The following MARCHF1 variants were observed in gnomAD, a reference collection of about 807,000 sequenced individuals.
The protein encoded by MARCHF1 is membrane associated ring-CH-type finger 1.
MARCHF1 carries 40 observed loss-of-function variants against 54.2 expected under a neutral mutation model. The ratio of observed to expected loss-of-function variants is 0.74; its 90% CI spans 0.57 to 0.96. The LOEUF (loss-of-function observed/expected upper bound fraction) is 0.96. MARCHF1 is among the 40% of genes least tolerant of loss of function. The pLI is 0.00. For missense variants in MARCHF1, 586 were observed against 656.5 expected, an observed-to-expected ratio of 0.89 and a Z score of 1.17; for synonymous variants, 236 against 236.3, an observed-to-expected ratio of 1.00 and a Z score of 0.01.
At chr4:163,771,022 A>G (rs1337867254) in intron 4 of MARCHF1, among the ~76,000 whole-genome samples, 1 of 152,238 alleles carries the variant, frequency 6.6e-6, no homozygotes, top group Non-Finnish European at 1.5e-5. Flanking sequence ...TATGACTTTC[A>G]TAGCTATTTT....
intron 3 of MARCHF1, among the ~76,000 whole-genome samples, chr4:163,969,404 G>A (rs1345022784): frequency 6.6e-6 from 1 of 152,162 alleles, no homozygotes; most frequent in Non-Finnish European, 1.5e-5. Context: ...CCTTGTCAGT[G>A]TGGTGATATA....
At chr4:163,832,069 G>GT (rs1749040541) in intron 4 of MARCHF1, among the ~76,000 whole-genome samples, 1 of 152,178 alleles carries the variant, frequency 6.6e-6, no homozygotes, top group Admixed American at 6.5e-5. Flanking sequence ...AAATTAGGAA[G>GT]CTATTACGAT....
At chr4:163,773,775 A>G (rs1026989365) in intron 4 of MARCHF1, among the ~76,000 whole-genome samples, 13 of 152,172 alleles carry the variant, frequency 8.5e-5, no homozygotes, top group African/African-American at 1.4e-4. Flanking sequence ...AATTTCACAT[A>G]ATGTTTTGAA....
intron 1 of MARCHF1, among the ~76,000 whole-genome samples, chr4:164,261,139 A>G (rs1383359186): frequency 6.6e-6 from 1 of 152,100 alleles, no homozygotes; most frequent in Non-Finnish European, 1.5e-5. Flanking sequence ...AGAGGACTGG[A>G]ACAGTTCCTT....
At chr4:164,184,875 T>C (rs1440953264) in intron 1 of MARCHF1, among the ~76,000 whole-genome samples, 1 of 152,140 alleles carries the variant, frequency 6.6e-6, no homozygotes, top group Non-Finnish European at 1.5e-5. Flanking sequence ...AAAATATTGG[T>C]ACAGCAAAAT....
At chr4:163,644,171 A>G (rs1045548961) in intron 5 of MARCHF1, among the ~76,000 whole-genome samples, 1 of 152,144 alleles carries the variant, frequency 6.6e-6, no homozygotes. Flanking sequence ...CTCAAAAGCT[A>G]TATTCTTTGA....
rs745783467 is a variant in MARCHF1 at position 163,612,845 on chromosome 4, G to T, written c.436C>A (p.Gln146Lys). 1 of 1,535,202 alleles carries T rather than the reference G, an allele frequency of 6.5e-7. No individual in the cohort carries two copies. The highest frequency in any genetic ancestry group is 8.7e-7 in the Non-Finnish European group (1 of 1,146,446). ...IRGRKNDFHLQISSPRWRELY... is the reference protein window; with the variant it reads ...IRGRKNDFHLKISSPRWRELY... Reference sequence around the variant, plus strand: ...TCCCTCCACCTGGGGCTTGAGATTTGAAGGTGAAAGTCATTTTTTCTCCCT... The same window carrying T: ...TCCCTCCACCTGGGGCTTGAGATTTTAAGGTGAAAGTCATTTTTTCTCCCT... Residue 146 changes from glutamine to lysine, a missense_variant, in exon 7 of 10, where the codon CAA becomes AAA. By Grantham distance (53) the Gln-to-Lys change is moderately conservative. Around this residue, in one of 3 missense-constraint regions of MARCHF1, gnomAD observed 387 missense variants for 394.6 expected, o/e 0.98. Transcript: ENST00000514618.
chr4:163,900,204 T>C (rs1750908060), intron 3 of MARCHF1, among the ~76,000 whole-genome samples: 1 of 152,144 alleles, frequency 6.6e-6, no homozygotes, highest in Non-Finnish European at 1.5e-5. Flanking sequence ...TTCAGAATAC[T>C]GACTGATAAC....
Position 163,613,338 on chromosome 4 carries a change from C to T in MARCHF1, c.218G>A (p.Cys73Tyr). 1 of 1,612,638 alleles carries T rather than the reference C, an allele frequency of 6.2e-7. No individual in the cohort carries two copies. Among genetic ancestry groups the T allele is most frequent in the Non-Finnish European group, 8.5e-7 (1 of 1,179,280 alleles). ...CCTGCAGATGTCCTGAGTGGATGGA[C>T]AGACAGACAACCTTGACTGGCTCCT... Reference protein sequence around the residue: ...APRSQSRLSVCPSTQDICRSA... With the variant: ...APRSQSRLSVYPSTQDICRSA... Residue 73 changes from cysteine (C) to tyrosine (Y), a missense_variant, in exon 6 of 10, where the codon TGT becomes TAT. This residue lies in a region of MARCHF1 where 387 missense variants were observed against 394.6 expected (regional missense o/e 0.98). Transcript: ENST00000514618.
At position 163,655,822 on chromosome 4, in the gene MARCHF1, A is replaced by G. The variant is rs1338640145; in HGVS notation, c.163-42429T>C. Among the ~76,000 whole-genome samples, 4 of 152,062 alleles carry G rather than the reference A, an allele frequency of 2.6e-5. No individual in the cohort carries two copies. The East Asian group carries it at 7.7e-4, about 29-fold the overall frequency. On this transcript the variant is annotated intron_variant, in intron 5 of 9. Coordinates refer to ENST00000514618, the MANE Select transcript of MARCHF1 (RefSeq NM_001394959.1). The stretch of plus-strand genomic sequence containing the variant: ...TGAATGACTCCTGAGTAAATAATGA[A>G]ATTAAGGCAGAAATCAAGAAGTTCT...
chr4:163,998,584 A>C (rs1456512308), intron 2 of MARCHF1, among the ~76,000 whole-genome samples: 7 of 151,726 alleles, frequency 4.6e-5, no homozygotes, highest in African/African-American at 1.7e-4. Context: ...TTGTGTACAA[A>C]ATAGATATCT....
intron 3 of MARCHF1, among the ~76,000 whole-genome samples, chr4:163,914,703 GTGTT>G (rs759618824): frequency 7.9e-5 from 12 of 152,062 alleles, no homozygotes; most frequent in Non-Finnish European, 1.5e-4. Context: ...AATACTAGTA[GTGTT>G]TGTTTTTGTT....
At chr4:163,575,260 T>C (rs1739998252) in intron 8 of MARCHF1, among the ~76,000 whole-genome samples, 1 of 152,090 alleles carries the variant, frequency 6.6e-6, no homozygotes, top group Non-Finnish European at 1.5e-5. Context: ...AATGCTGGAC[T>C]TCATTGAAAA....
At chr4:163,810,296 C>T (rs1444704205) in intron 4 of MARCHF1, among the ~76,000 whole-genome samples, 2 of 152,298 alleles carry the variant, frequency 1.3e-5, no homozygotes, top group East Asian at 3.9e-4. Context: ...GTGTTTTCCA[C>T]AATCTGTAAC....
At chr4:164,247,616 A>G (rs1004949621) in intron 1 of MARCHF1, among the ~76,000 whole-genome samples, 6 of 65,776 alleles carry the variant, frequency 9.1e-5, no homozygotes, top group African/African-American at 2.3e-4. Flanking sequence ...ATAATAAAAA[A>G]AAAAAAGTTA....
chr4:164,202,106 A>T (rs1220808269), intron 1 of MARCHF1, among the ~76,000 whole-genome samples: 1 of 152,320 alleles, frequency 6.6e-6, no homozygotes, highest in South Asian at 2.1e-4. Context: ...ACATTATGCT[A>T]TGTGTTTATG....
intron 5 of MARCHF1, among the ~76,000 whole-genome samples, chr4:163,632,733 G>A (rs1450091077): frequency 6.6e-6 from 1 of 152,260 alleles, no homozygotes; most frequent in Non-Finnish European, 1.5e-5. Flanking sequence ...CTCGAACTGG[G>A]TGGAGCCCAC....
Position 164,110,647 on chromosome 4 carries a change from T to C in MARCHF1, c.-248+941A>G, listed in dbSNP as rs1755814667. Among the ~76,000 whole-genome samples, 2 of 151,412 alleles carry C rather than the reference T, an allele frequency of 1.3e-5. 1 individual carries two copies. The highest frequency in any genetic ancestry group is 1.3e-4 in the Admixed American group (2 of 15,168). ...TTCATCTAGTCGATCCCTCCATTCA[T>C]TTACTATGAGGCGATACAATCATAT... On this transcript the variant is annotated intron_variant, in intron 2 of 9. Coordinates refer to ENST00000514618, the MANE Select transcript of MARCHF1 (RefSeq NM_001394959.1).
At chr4:163,696,856 CA>C in intron 5 of MARCHF1, among the ~76,000 whole-genome samples, 1 of 152,242 alleles carries the variant, frequency 6.6e-6, no homozygotes, top group South Asian at 2.1e-4. Flanking sequence ...TCCGAATTCC[CA>C]TAGCTTCTGT....
Sources: allele counts gnomAD v4.1 joint callset (sites outside exome capture counted in the v4.1 genomes callset), GRCh38; gene constraint gnomAD v4.1.1; regional missense constraint gnomAD v4.1.1; transcripts MANE v1.5; gene names NCBI Gene and HGNC (gene_info 2026-07-23, HGNC 2026-07-21).